The following USP54 variants were observed in gnomAD, a reference collection of about 807,000 sequenced individuals.
USP54 encodes the protein ubiquitin specific peptidase 54, also known as ubiquitin carboxyl-terminal hydrolase 54.
A neutral mutation model predicts 170.5 loss-of-function variants in USP54; 87 were observed. The ratio of observed to expected loss-of-function variants is 0.51; its 90% CI spans 0.43 to 0.61. The LOEUF (loss-of-function observed/expected upper bound fraction) is 0.61, where lower values mean the gene tolerates loss of function less well. USP54 is among the 20% of genes least tolerant of loss of function. The pLI is 0.00. For missense variants in USP54, 1,786 were observed against 2,047.8 expected, an observed-to-expected ratio of 0.87 and a Z score of 2.47; for synonymous variants, 655 against 742.8, an observed-to-expected ratio of 0.88 and a Z score of 1.92.
chr10:73,505,248 CATA>C, intron 21 of USP54, 57 bp downstream of exon 21: 1 of 1,509,498 alleles, frequency 6.6e-7, no homozygotes, highest in Non-Finnish European at 9.1e-7. Context: ...CACATCTCTC[CATA>C]ATTCCTTCCC....
intron 1 of USP54, among the ~76,000 whole-genome samples, chr10:73,623,213 T>A (rs930300618): frequency 6.6e-6 from 1 of 151,870 alleles, no homozygotes; most frequent in Non-Finnish European, 1.5e-5. Flanking sequence ...CAAGACCTCG[T>A]CTCTACAAAA....
chr10:73,593,150 G>C (rs2078424313), upstream of USP54, among the ~76,000 whole-genome samples: 2 of 151,892 alleles, frequency 1.3e-5, no homozygotes, highest in Non-Finnish European at 2.9e-5. Context: ...TTTGAGCCCA[G>C]GAGTTCAAGA....
intron 18 of USP54, 135 bp from the exon 19 acceptor site, chr10:73,520,127 C>CA: frequency 8.0e-7 from 1 of 1,251,650 alleles, no homozygotes; most frequent in East Asian, 2.6e-5. Flanking sequence ...AGGCATGGAC[C>CA]ATGCATATGC....
upstream of USP54, among the ~76,000 whole-genome samples, chr10:73,592,326 C>G (rs367928747): frequency 3.3e-5 from 5 of 151,822 alleles, no homozygotes; most frequent in African/African-American, 9.7e-5. Flanking sequence ...AGAAAATATA[C>G]GAGTTGACTA....
chr10:73,624,181 TATATATATA>T lies in USP54; in HGVS notation c.-18+1377_-18+1385del, dbSNP rs2081310499. Among the ~76,000 whole-genome samples, 4 of 118,362 alleles carry T rather than the reference TATATATATA, an allele frequency of 3.4e-5. No homozygotes were observed. The East Asian group carries it at 1.3e-3, about 37-fold the overall frequency. 77.7% of individuals were successfully genotyped at this position (118,362 alleles called of 152,430 possible). A position where few individuals can be genotyped will look rare whatever the true frequency, so the allele number is the denominator to read the frequency against. Reference sequence around the variant, plus strand: ...AGCCATATATATATATATATATATATATATATATATATATGTATTTTTTTTTTTTTTTTT... The same window carrying T: ...AGCCATATATATATATATATATATATTATATGTATTTTTTTTTTTTTTTTT... On this transcript the variant is annotated intron_variant, in intron 1 of 22. Transcript: ENST00000339859.
In USP54 at chr10:73,584,990, C is replaced by G. The variant is rs1440390480; in HGVS notation, c.-582+6288G>C. Among the ~76,000 whole-genome samples the G allele has an allele frequency of 4.6e-5, 7 of 152,280 alleles. No homozygotes were observed. In the East Asian group the frequency reaches 1.3e-3, roughly 29 times the overall value. On this transcript the variant is annotated intron_variant, in intron 1 of 23. Transcript: ENST00000687698. ...AATCCTACATGTCACTACCACCTGACTCCTAAAACACATTCCACACCATGT... is the reference window on the plus strand; with the variant it reads ...AATCCTACATGTCACTACCACCTGAGTCCTAAAACACATTCCACACCATGT...
chr10:73,542,923 A>G (rs754503806), intron 6 of USP54, 38 bp from the exon 7 acceptor site: 21 of 1,613,014 alleles, frequency 1.3e-5, no homozygotes, highest in Non-Finnish European at 1.5e-5. Flanking sequence ...AAGCAACCAT[A>G]ATCAGGAACT....
At chr10:73,580,941 T>A (rs566873359) in intron 1 of USP54, among the ~76,000 whole-genome samples, 1 of 152,322 alleles carries the variant, frequency 6.6e-6, no homozygotes, top group South Asian at 2.1e-4. Context: ...GTAGGCTATA[T>A]CGTATAGTCT....
At chr10:73,600,133 C>A (rs2079054168) in intron 1 of USP54, among the ~76,000 whole-genome samples, 1 of 152,070 alleles carries the variant, frequency 6.6e-6, no homozygotes, top group Admixed American at 6.5e-5. Context: ...CTCCTGACTT[C>A]AGGTGATCTG....
chr10:73,516,845 TC>T lies in USP54; in HGVS notation c.3580del (p.Asp1194IlefsTer17). Reference protein sequence around the residue: ...AKQQSSLEGGDRPLSWEESTE... With the variant: ...AKQQSSLEGGXRPLSWEESTE... ...GGACTCTTCCCAGGAAAGTGGTCTATCCCCACCCTCCAGAGAGGATTGTTGC... is the reference window on the plus strand; with the variant it reads ...GGACTCTTCCCAGGAAAGTGGTCTATCCCACCCTCCAGAGAGGATTGTTGC... On this transcript the variant is annotated frameshift_variant, in exon 20 of 24. Transcript: ENST00000687698. LOFTEE classifies it high-confidence loss of function. The T allele has an allele frequency of 6.2e-7, 1 of 1,614,212 alleles. No individual in the cohort carries two copies. The highest frequency in any genetic ancestry group is 8.5e-7 in the Non-Finnish European group (1 of 1,180,044).
rs374466765 is a variant in USP54 at position 73,598,994 on chromosome 10, G to A, written c.-17-23319C>T. The stretch of plus-strand genomic sequence containing the variant: ...CTTGGGAGGCTGAGGCAGGAGAATC[G>A]TTGGAACCCAGGAAGGGGAGGTTGC... On this transcript the variant is annotated intron_variant, in intron 1 of 22. Coordinates refer to the USP54 transcript ENST00000339859. Among the ~76,000 whole-genome samples, 8 of 152,262 alleles carry A rather than the reference G, an allele frequency of 5.3e-5. No individual in the cohort carries two copies. In the East Asian group the frequency reaches 1.4e-3, roughly 26 times the overall value.
chr10:73,581,720 T>A (rs1445208153), intron 1 of USP54, among the ~76,000 whole-genome samples: 1 of 152,234 alleles, frequency 6.6e-6, no homozygotes, highest in Non-Finnish European at 1.5e-5. Flanking sequence ...TGTATTTTAT[T>A]AATCAAAGAA....
At chr10:73,613,878 T>C (rs1262735335) in intron 1 of USP54, 1 of 149,152 alleles carries the variant, frequency 6.7e-6, no homozygotes, top group African/African-American at 2.5e-5. Flanking sequence ...AGACTCTGTC[T>C]TGAAAAGAAA....
At chr10:73,612,498 C>T (rs1048783334) in intron 1 of USP54, among the ~76,000 whole-genome samples, 8 of 152,078 alleles carry the variant, frequency 5.3e-5, no homozygotes, top group African/African-American at 1.9e-4. Context: ...GAGATTTCCC[C>T]TAAAAGTAAA....
Position 73,549,070 on chromosome 10 carries a change from C to T in USP54, c.241-3398G>A, listed in dbSNP as rs549736537. Among the ~76,000 whole-genome samples, 3 of 152,270 alleles carry T rather than the reference C, an allele frequency of 2.0e-5. No individual in the cohort carries two copies. In the East Asian group the frequency reaches 5.8e-4, roughly 29 times the overall value. ...ATCAGCAGCATTTAACTCAGCTAAT[C>T]TTTAAAATACTTCCTTCCCCTGGTT... On this transcript the variant is annotated intron_variant, in intron 4 of 23. Transcript: ENST00000687698.
chr10:73,529,433 C>A, intron 15 of USP54: 1 of 512,088 alleles, frequency 2.0e-6, no homozygotes, highest in Non-Finnish European at 3.5e-6. Context: ...ACATATGCCC[C>A]CTGAACCTAA....
Position 73,498,970 on chromosome 10 carries a change from G to A in USP54, c.4714C>T (p.Leu1572=). 6.2e-7 allele frequency: 1 copy of A among 1,614,170 alleles called. No individual in the cohort carries two copies. The highest frequency in any genetic ancestry group is 8.5e-7 in the Non-Finnish European group (1 of 1,180,042). Residue 1572 remains leucine (L), a synonymous_variant, in exon 24 of 24, where the codon CTA becomes TTA. Transcript: ENST00000687698. The part of the protein sequence containing the change: ...CNPQLTYTAT[L]PERSKGLQVP... ...TGAAGGCCCTTGCTTCTTTCTGGTA[G>A]TGTGGCAGTGTAGGTTAGTTGAGGA...
At chr10:73,549,525 G>A (rs2068716154) in intron 4 of USP54, among the ~76,000 whole-genome samples, 1 of 152,050 alleles carries the variant, frequency 6.6e-6, no homozygotes, top group South Asian at 2.1e-4. Context: ...CAGTTGTTTA[G>A]GTCGAAAACC....
chr10:73,624,425 C>A (rs1339012359), intron 1 of USP54: 2 of 143,392 alleles, frequency 1.4e-5, no homozygotes, highest in South Asian at 4.5e-4. Context: ...CCAGGCTGGT[C>A]TCGAACTCCT....
Sources: allele counts gnomAD v4.1 joint callset (sites outside exome capture counted in the v4.1 genomes callset), GRCh38; gene constraint gnomAD v4.1.1; transcripts MANE v1.5; gene names NCBI Gene and HGNC (gene_info 2026-07-23, HGNC 2026-07-21).